CNGB3: variants seen among roughly 807,000 people sequenced by gnomAD.
The protein encoded by CNGB3 is cyclic nucleotide gated channel subunit beta 3.
Under a neutral mutation model 92.8 loss-of-function variants are expected in CNGB3, and 86 were observed. That is an observed-to-expected ratio of 0.93 (90% confidence interval 0.78 to 1.11). CNGB3 has a LOEUF of 1.11. Among genes scored for constraint, CNGB3 ranks in the 50% least tolerant of loss-of-function variants. The pLI is 0.00. For missense variants in CNGB3, 1,026 were observed against 956.8 expected, an observed-to-expected ratio of 1.07 and a Z score of -0.95; for synonymous variants, 333 against 332.7, an observed-to-expected ratio of 1.00 and a Z score of -0.01.
At position 86,653,363 on chromosome 8, in the gene CNGB3, T is replaced by C. The variant is rs565388917; in HGVS notation, c.903+649A>G. 7.9e-5 allele frequency among the ~76,000 whole-genome samples: 12 copies of C among 152,074 alleles called. No homozygotes were observed. The East Asian group carries it at 2.3e-3, about 29-fold the overall frequency. ...AAACAATTGAAAGGGATGTAATCAT[T>C]GTAGATTTCCAACAAGGATAGTCTG... On this transcript the variant is annotated intron_variant, in intron 7 of 17. Transcript: ENST00000320005.
intron 3 of CNGB3, among the ~76,000 whole-genome samples, chr8:86,690,445 A>G (rs1393473477): frequency 1.3e-5 from 2 of 152,068 alleles, no homozygotes; most frequent in East Asian, 3.9e-4. Flanking sequence ...TTCTTTGTAG[A>G]TTCTAGATAT....
At chr8:86,701,173 A>G (rs1824549932) in intron 3 of CNGB3, among the ~76,000 whole-genome samples, 1 of 152,162 alleles carries the variant, frequency 6.6e-6, no homozygotes, top group East Asian at 1.9e-4. Flanking sequence ...TTCAATTAAA[A>G]TTTATGCACA....
At chr8:86,667,829 A>T (rs1586004418) in intron 5 of CNGB3, among the ~76,000 whole-genome samples, 190 bp downstream of exon 5, 1 of 152,204 alleles carries the variant, frequency 6.6e-6, no homozygotes, top group Non-Finnish European at 1.5e-5. Context: ...TATAGGCAGG[A>T]ATATTGTATT....
intron 13 of CNGB3, among the ~76,000 whole-genome samples, chr8:86,614,490 C>T (rs1822579188): frequency 6.6e-6 from 1 of 152,118 alleles, no homozygotes; most frequent in Non-Finnish European, 1.5e-5. Context: ...TACCCCTTCC[C>T]ATTGGCCCTG....
chr8:86,694,655 C>T (rs1408051228), intron 3 of CNGB3, among the ~76,000 whole-genome samples: 2 of 150,520 alleles, frequency 1.3e-5, no homozygotes, highest in African/African-American at 4.9e-5. Context: ...TCCTCACATC[C>T]CAGATGGGGC....
chr8:86,616,290 A>T (rs1822621230), intron 13 of CNGB3, among the ~76,000 whole-genome samples: 1 of 152,214 alleles, frequency 6.6e-6, no homozygotes, highest in Admixed American at 6.5e-5. Context: ...TCACCAATTA[A>T]GTGATCCTGT....
intron 6 of CNGB3, chr8:86,660,217 T>A: frequency 3.2e-6 from 1 of 308,568 alleles, no homozygotes; most frequent in East Asian, 8.5e-5. Flanking sequence ...ACACCAGAGT[T>A]GTTTGTATGC....
chr8:86,665,577 G>A (rs767909931), intron 6 of CNGB3, among the ~76,000 whole-genome samples: 3 of 152,096 alleles, frequency 2.0e-5, no homozygotes, highest in South Asian at 2.1e-4. Context: ...ACCATGGAAC[G>A]AGATCATGTC....
intron 3 of CNGB3, among the ~76,000 whole-genome samples, chr8:86,723,950 G>C (rs1480034429): frequency 6.6e-6 from 1 of 152,112 alleles, no homozygotes; most frequent in African/African-American, 2.4e-5. Flanking sequence ...GACACCACAT[G>C]TTCTCACTTA....
chr8:86,646,549 G>A (rs754749067), intron 8 of CNGB3, among the ~76,000 whole-genome samples: 1 of 151,100 alleles, frequency 6.6e-6, no homozygotes, highest in African/African-American at 2.4e-5. Flanking sequence ...GAATCAGTGA[G>A]ATAATGAATA....
chr8:86,578,276 C>A (rs1296538595), intron 17 of CNGB3, among the ~76,000 whole-genome samples: 1 of 152,078 alleles, frequency 6.6e-6, no homozygotes, highest in Non-Finnish European at 1.5e-5. Flanking sequence ...TCAAACTCAG[C>A]TGAAAATGTA....
rs139467029 is a variant in CNGB3 at position 86,679,310 on chromosome 8, G to A, written c.339-8212C>T. 2.6e-5 allele frequency among the ~76,000 whole-genome samples: 4 copies of A among 151,782 alleles called. No homozygotes were observed. The East Asian group carries it at 7.7e-4, about 29-fold the overall frequency. On this transcript the variant is annotated intron_variant, in intron 3 of 17. Transcript: ENST00000320005. ...ACTCTTCCTTATTAGTTTGTTTATT[G>A]ATGTTTTCTTTATTTAAAACGTGTT...
rs552303970 is a variant in CNGB3, at chr8:86,727,349, A to T, written c.212-692T>A. ...AATTTTGGGCTGAAATTGATACATC[A>T]TAAAATTCAGAAAAGTAAAATAGGA... On this transcript the variant is annotated intron_variant, in intron 2 of 17. Coordinates refer to ENST00000320005, the MANE Select transcript of CNGB3 (RefSeq NM_019098.5). Among the ~76,000 whole-genome samples, 6 of 152,328 alleles carry T rather than the reference A, an allele frequency of 3.9e-5. 1 individual carries two copies. The South Asian group carries it at 1.2e-3, about 32-fold the overall frequency.
intron 15 of CNGB3, among the ~76,000 whole-genome samples, chr8:86,595,170 C>G (rs1822142302): frequency 6.6e-6 from 1 of 152,116 alleles, no homozygotes; most frequent in Non-Finnish European, 1.5e-5. Context: ...GAGGTCTTTT[C>G]TTTAACCATA....
At chr8:86,722,751 A>T (rs1192015432) in intron 3 of CNGB3, among the ~76,000 whole-genome samples, 1 of 152,144 alleles carries the variant, frequency 6.6e-6, no homozygotes, top group African/African-American at 2.4e-5. Context: ...AAGCTTGGAC[A>T]TTGGTCTTTT....
intron 3 of CNGB3, among the ~76,000 whole-genome samples, chr8:86,702,890 A>G (rs890702947): frequency 2.0e-5 from 3 of 151,642 alleles, no homozygotes; most frequent in African/African-American, 7.3e-5. Context: ...TTTTATTTTG[A>G]TGAAGTCTAA....
chr8:86,716,788 C>A (rs891050742), intron 3 of CNGB3, among the ~76,000 whole-genome samples: 1 of 152,092 alleles, frequency 6.6e-6, no homozygotes, highest in Non-Finnish European at 1.5e-5. Flanking sequence ...AAATCTCATG[C>A]GGTCTATATA....
chr8:86,597,433 G>A (rs181022815), intron 15 of CNGB3, among the ~76,000 whole-genome samples: 20 of 152,254 alleles, frequency 1.3e-4, no homozygotes, highest in African/African-American at 4.3e-4. Flanking sequence ...AGAAATAAAT[G>A]CACTAATGCA....
chr8:86,731,547 G>C (rs1292695409), intron 2 of CNGB3, among the ~76,000 whole-genome samples: 2 of 152,118 alleles, frequency 1.3e-5, no homozygotes, highest in African/African-American at 2.4e-5. Context: ...TGTCATGCTA[G>C]GTTTCAGGGA....
Sources: gnomAD v4.1 joint callset for allele counts (sites outside exome capture counted in the v4.1 genomes callset) on GRCh38, gnomAD v4.1.1 for gene constraint, MANE v1.5 for transcripts, NCBI Gene and HGNC (gene_info 2026-07-23, HGNC 2026-07-21) for gene names.